The following ELF5 variants were observed in gnomAD, a reference collection of about 807,000 sequenced individuals.
ELF5 encodes E74 like ETS transcription factor 5, also known as ETS-related transcription factor Elf-5.
In ELF5, 31 loss-of-function variants were observed where a neutral mutation model predicts 38.2. That is an observed-to-expected ratio of 0.81 (90% CI 0.61 to 1.10). The LOEUF (loss-of-function observed/expected upper bound fraction) is 1.10. Among genes scored for constraint, ELF5 ranks in the 50% least tolerant of loss-of-function variants. ELF5 has a pLI of 0.00. For synonymous variants in ELF5, 121 were observed against 112.5 expected, an observed-to-expected ratio of 1.08 and a Z score of -0.48; for missense variants, 300 against 306.6, an observed-to-expected ratio of 0.98 and a Z score of 0.16.
At chr11:34,484,261 C>T (rs561813462) in intron 4 of ELF5, among the ~76,000 whole-genome samples, 9 of 151,460 alleles carry the variant, frequency 5.9e-5, no homozygotes, top group Non-Finnish European at 8.8e-5. Context: ...GCATACTATA[C>T]TAATCATACC....
At chr11:34,505,191 C>A (rs763680217) in intron 2 of ELF5, among the ~76,000 whole-genome samples, 37 of 152,160 alleles carry the variant, frequency 2.4e-4, no homozygotes, top group Admixed American at 6.5e-4. Flanking sequence ...AGGGCTTTGG[C>A]AAGGATGAGA....
At chr11:34,510,075 C>A (rs922663225) in intron 1 of ELF5, among the ~76,000 whole-genome samples, 3 of 152,056 alleles carry the variant, frequency 2.0e-5, no homozygotes, top group African/African-American at 4.8e-5. Context: ...AGTATTTTTA[C>A]CTCTTTTAAT....
chr11:34,511,665 G>A (rs2133908567), intron 1 of ELF5: 1 of 1,506,362 alleles, frequency 6.6e-7, no homozygotes, highest in Non-Finnish European at 9.2e-7. Context: ...CACCGAGTTG[G>A]AGGGACAGGC....
At chr11:34,511,465 A>G in intron 1 of ELF5, 1 of 1,595,266 alleles carries the variant, frequency 6.3e-7, no homozygotes, top group Non-Finnish European at 8.6e-7. Context: ...AGTAAGTAGG[A>G]AAAGCTCAAG....
Position 34,490,043 on chromosome 11 carries a change from A to T in ELF5, c.372T>A (p.Asn124Lys), listed in dbSNP as rs940775831. 6.2e-7 allele frequency: 1 copy of T among 1,614,036 alleles called. No homozygotes were observed. The highest frequency in any genetic ancestry group is 1.3e-5 in the African/African-American group (1 of 74,932). The change falls in exon 4 of 7, where the codon AAT becomes AAA. Residue 124 changes from asparagine (N) to lysine (K), a missense_variant. Physicochemically the swap from Asn to Lys is moderately conservative, Grantham distance 94. Coordinates refer to ENST00000257832, the MANE Select transcript of ELF5 (RefSeq NM_001422.4). Reference protein sequence around the residue: ...NIRTQGYSFFNDAEESKATIK... With the variant: ...NIRTQGYSFFKDAEESKATIK... ...TGGTGGCCTTGCTTTCTTCAGCGTC[A>T]TTAAAAAAGGAGTAACCTGGGAAAG...
intron 5 of ELF5, 57 bp downstream of exon 5, chr11:34,482,374 C>G (rs1856961156): frequency 6.6e-7 from 1 of 1,507,772 alleles, no homozygotes; most frequent in African/African-American, 1.4e-5. Context: ...AAGTAGATGA[C>G]TTTGTCTGAG....
chr11:34,484,760 T>A (rs577356788), intron 4 of ELF5, among the ~76,000 whole-genome samples: 1 of 152,080 alleles, frequency 6.6e-6, no homozygotes, highest in Non-Finnish European at 1.5e-5. Flanking sequence ...CCCATCCAGA[T>A]CTCCAGTCTT....
At chr11:34,496,606 C>G (rs1292816511) in intron 2 of ELF5, among the ~76,000 whole-genome samples, 1 of 152,210 alleles carries the variant, frequency 6.6e-6, no homozygotes, top group East Asian at 1.9e-4. Flanking sequence ...CTCACTCCCC[C>G]TCGCAGAGGT....
chr11:34,507,506 G>A (rs1850639166), intron 1 of ELF5, among the ~76,000 whole-genome samples: 2 of 152,214 alleles, frequency 1.3e-5, no homozygotes, highest in Non-Finnish European at 2.9e-5. Context: ...ACACTTTGGT[G>A]GCGGCAAGGA....
At chr11:34,505,311 T>C (rs1850583410) in intron 2 of ELF5, among the ~76,000 whole-genome samples, 1 of 152,166 alleles carries the variant, frequency 6.6e-6, no homozygotes, top group Non-Finnish European at 1.5e-5. Context: ...GGGCTTTCTT[T>C]CTACTACATT....
intron 1 of ELF5, 88 bp from the exon 2 acceptor site, chr11:34,505,841 G>GT (rs1253566305): frequency 2.8e-6 from 4 of 1,454,230 alleles, no homozygotes; most frequent in African/African-American, 1.4e-5. Flanking sequence ...GGCGATACTT[G>GT]TTTTTTAAAA....
intron 2 of ELF5, 148 bp downstream of exon 2, chr11:34,505,481 C>T: frequency 8.2e-7 from 1 of 1,220,274 alleles, no homozygotes; most frequent in Non-Finnish European, 1.1e-6. Context: ...GTTGCCCTTC[C>T]TTCCATCCAG....
chr11:34,505,503 C>A, intron 2 of ELF5, 126 bp downstream of exon 2: 1 of 1,413,318 alleles, frequency 7.1e-7, no homozygotes. Context: ...AGCCCTCCAG[C>A]CCTCTGCCCT....
At chr11:34,496,255 G>C (rs1850317396) in intron 2 of ELF5, among the ~76,000 whole-genome samples, 1 of 152,230 alleles carries the variant, frequency 6.6e-6, no homozygotes, top group Non-Finnish European at 1.5e-5. Context: ...CCACAGAGCG[G>C]CTTTGTGTGC....
chr11:34,495,735 T>A (rs1850300092), intron 2 of ELF5, among the ~76,000 whole-genome samples: 1 of 152,224 alleles, frequency 6.6e-6, no homozygotes, highest in Non-Finnish European at 1.5e-5. Context: ...AGGGAGCCGG[T>A]GAGACCGATG....
intron 4 of ELF5, among the ~76,000 whole-genome samples, chr11:34,483,013 T>C (rs1479360443): frequency 6.6e-6 from 1 of 152,002 alleles, no homozygotes; most frequent in Non-Finnish European, 1.5e-5. Flanking sequence ...GTTTTTAAAA[T>C]GGTGGCACCA....
intron 4 of ELF5, among the ~76,000 whole-genome samples, chr11:34,483,093 C>G (rs1308983644): frequency 6.6e-6 from 1 of 151,894 alleles, no homozygotes; most frequent in Admixed American, 6.6e-5. Context: ...GCCCCAGCCA[C>G]CCTGGCTTCA....
intron 2 of ELF5, among the ~76,000 whole-genome samples, chr11:34,495,119 A>G (rs965565844): frequency 6.6e-6 from 1 of 152,204 alleles, no homozygotes; most frequent in Non-Finnish European, 1.5e-5. Flanking sequence ...TGAACTTGAA[A>G]GCCATTGCTC....
intron 3 of ELF5, chr11:34,491,647 C>T (rs1268385850): frequency 6.6e-6 from 1 of 150,402 alleles, no homozygotes; most frequent in Non-Finnish European, 1.5e-5. Context: ...GCAATCTCGG[C>T]TCACTTGCAA....
Sources: gnomAD v4.1 joint callset for allele counts (sites outside exome capture counted in the v4.1 genomes callset) on GRCh38, gnomAD v4.1.1 for gene constraint, MANE v1.5 for transcripts, NCBI Gene and HGNC (gene_info 2026-07-23, HGNC 2026-07-21) for gene names.